Variants in TEX264 observed in about 807,000 individuals in gnomAD.
TEX264 encodes the protein testis expressed 264, ER-phagy receptor.
TEX264 carries 13 observed loss-of-function variants against 23.4 expected under a neutral mutation model. That is an observed-to-expected ratio of 0.56 (90% confidence interval 0.36 to 0.88). The LOEUF (loss-of-function observed/expected upper bound fraction) is 0.88. TEX264 is among the 40% of genes least tolerant of loss of function. The probability of loss-of-function intolerance (pLI) is 0.01; values close to 1 mark genes in which losing one functional copy is unlikely to be tolerated. For missense variants in TEX264, 340 were observed against 406.8 expected, an observed-to-expected ratio of 0.84 and a Z score of 1.41; for synonymous variants, 159 against 170.0, an observed-to-expected ratio of 0.94 and a Z score of 0.50.
chr3:51,672,952 AT>A (rs1256265191), intron 1 of TEX264, among the ~76,000 whole-genome samples: 3 of 152,232 alleles, frequency 2.0e-5, no homozygotes, highest in African/African-American at 7.2e-5. Context: ...AGAGATACTG[AT>A]GGGTAGAAGC....
At chr3:51,679,081 G>C (rs1037496305) in intron 2 of TEX264, among the ~76,000 whole-genome samples, 2 of 152,200 alleles carry the variant, frequency 1.3e-5, no homozygotes, top group African/African-American at 4.8e-5. Context: ...GAGGTGAGGT[G>C]AGACGAGGTG....
intron 3 of TEX264, among the ~76,000 whole-genome samples, chr3:51,697,413 C>G (rs561752681): frequency 6.6e-6 from 1 of 152,328 alleles, no homozygotes; most frequent in Admixed American, 6.5e-5. Context: ...CCTGGAATCT[C>G]TGGGTGGACA....
At chr3:51,679,342 G>A (rs1436964244) in intron 2 of TEX264, among the ~76,000 whole-genome samples, 1 of 152,226 alleles carries the variant, frequency 6.6e-6, no homozygotes, top group African/African-American at 2.4e-5. Flanking sequence ...AGGACCTCAT[G>A]CCACTGGGAC....
intron 2 of TEX264, chr3:51,682,976 C>G (rs1423019318): frequency 1.3e-5 from 2 of 152,214 alleles, no homozygotes; most frequent in African/African-American, 4.8e-5. Context: ...TGAGAAACCC[C>G]CAGGGGATTT....
At chr3:51,702,448 G>C (rs1703344405) in intron 4 of TEX264, among the ~76,000 whole-genome samples, 1 of 152,206 alleles carries the variant, frequency 6.6e-6, no homozygotes, top group African/African-American at 2.4e-5. Context: ...TCTGGGGGCT[G>C]AGTGGGTGGT....
At chr3:51,702,020 C>T (rs577895846) in intron 4 of TEX264, among the ~76,000 whole-genome samples, 2 of 152,282 alleles carry the variant, frequency 1.3e-5, no homozygotes, top group East Asian at 3.9e-4. Flanking sequence ...AGGAGGCACC[C>T]CTAGGCTCCT....
chr3:51,674,133 C>T, intron 1 of TEX264, 138 bp from the exon 2 acceptor site: 2 of 784,270 alleles, frequency 2.6e-6, no homozygotes, highest in Non-Finnish European at 4.0e-6. Flanking sequence ...TGTGTGTAAA[C>T]ACCTCTGGCC....
intron 2 of TEX264, 173 bp from the exon 3 acceptor site, chr3:51,684,240 C>T: frequency 1.6e-6 from 1 of 614,964 alleles, no homozygotes; most frequent in South Asian, 2.0e-5. Flanking sequence ...CAGGCAGGGG[C>T]CATAGGTGGG....
At chr3:51,694,136 CTTCCTTCT>C (rs1281271992) in intron 3 of TEX264, among the ~76,000 whole-genome samples, 32 of 128,738 alleles carry the variant, frequency 2.5e-4, no homozygotes, top group African/African-American at 8.7e-4. Flanking sequence ...TCCTTCCTTC[CTTCCTTCT>C]TTCCTTCTTT....
At chr3:51,675,614 A>G (rs1228339008) in intron 2 of TEX264, among the ~76,000 whole-genome samples, 1 of 152,156 alleles carries the variant, frequency 6.6e-6, no homozygotes, top group South Asian at 2.1e-4. Context: ...TGATTCTCCA[A>G]CAAGACACTG....
intron 3 of TEX264, among the ~76,000 whole-genome samples, chr3:51,689,607 G>C (rs1434774389): frequency 6.6e-6 from 1 of 152,122 alleles, no homozygotes; most frequent in African/African-American, 2.4e-5. Flanking sequence ...GCTTCACCTG[G>C]AGTAGTTCTG....
Position 51,686,221 on chromosome 3 carries a change from C to T in TEX264, c.480+1587C>T, listed in dbSNP as rs1437734925. On this transcript the variant is annotated intron_variant, in intron 3 of 4. Transcript: ENST00000341333. This position sits in a 1 kb window ranked among gnomAD's most constrained non-coding sequence, Gnocchi z 4.1. ...TGGGAGGCTGCCCTGTGCCTCCCTG[C>T]CTCTGTGGGACCAGGTAGGCAGTGG... Among the ~76,000 whole-genome samples the T allele has an allele frequency of 4.6e-5, 7 of 152,192 alleles. No homozygotes were observed. The highest frequency in any genetic ancestry group is 8.8e-5 in the Non-Finnish European group (6 of 68,020).
At chr3:51,681,755 G>A (rs1702436580) in intron 2 of TEX264, 1 of 152,254 alleles carries the variant, frequency 6.6e-6, no homozygotes, top group South Asian at 2.1e-4. Flanking sequence ...CTCAGTTGGT[G>A]CCTGCCCACC....
At chr3:51,699,044 C>T (rs996252806) in intron 3 of TEX264, among the ~76,000 whole-genome samples, 2 of 152,048 alleles carry the variant, frequency 1.3e-5, no homozygotes, top group African/African-American at 4.8e-5. Context: ...GGGTCCCTAT[C>T]CTGGGGTGGT....
rs532020995 is a variant in TEX264 at position 51,693,637 on chromosome 3, G to A, written c.481-5769G>A. 3.3e-5 allele frequency among the ~76,000 whole-genome samples: 5 copies of A among 151,928 alleles called. No homozygotes were observed. The East Asian group carries it at 9.7e-4, about 30-fold the overall frequency. On this transcript the variant is annotated intron_variant, in intron 3 of 4. Coordinates refer to ENST00000341333, the MANE Select transcript of TEX264 (RefSeq NM_015926.6). The stretch of plus-strand genomic sequence containing the variant: ...TGGGACTACAAGCATCCGACACCAC[G>A]CCCAGCTAATTTTTGTATTTTTAGT...
intron 3 of TEX264, 67 bp downstream of exon 3, chr3:51,684,701 C>A: frequency 6.6e-7 from 1 of 1,521,800 alleles, no homozygotes; most frequent in Non-Finnish European, 9.1e-7. Context: ...CTGAGGAGGA[C>A]TGCCTAGAAT....
At position 51,686,777 on chromosome 3, in the gene TEX264, A is replaced by G. The variant is rs574153742; in HGVS notation, c.480+2143A>G. Among the ~76,000 whole-genome samples, 1 of 152,150 alleles carries G rather than the reference A, an allele frequency of 6.6e-6. No individual in the cohort carries two copies. The highest frequency in any genetic ancestry group is 2.4e-5 in the African/African-American group (1 of 41,504). Reference sequence around the variant, plus strand: ...GAGTCCCGCCCCATTTCATTCAAGGAAGGCCTCTCCAGTCCTGTCGGTGCC... The same window carrying G: ...GAGTCCCGCCCCATTTCATTCAAGGGAGGCCTCTCCAGTCCTGTCGGTGCC... On this transcript the variant is annotated intron_variant, in intron 3 of 4. Transcript: ENST00000341333. The surrounding 1 kb of genome is among the most constrained non-coding windows in gnomAD (Gnocchi z 4.1).
In TEX264 at chr3:51,691,999, C is replaced by T. The variant is rs540181264; in HGVS notation, c.480+7365C>T. ...CCTTTGTTGGCCTAGGCACTGGAACCTGCTCCTTAGCCTCTCTGGCTTTAC... is the reference window on the plus strand; with the variant it reads ...CCTTTGTTGGCCTAGGCACTGGAACTTGCTCCTTAGCCTCTCTGGCTTTAC... On this transcript the variant is annotated intron_variant, in intron 3 of 4. Transcript: ENST00000341333. This position sits in a 1 kb window ranked among gnomAD's most constrained non-coding sequence, Gnocchi z 4.4. Among the ~76,000 whole-genome samples, 3 of 152,236 alleles carry T rather than the reference C, an allele frequency of 2.0e-5. No individual in the cohort carries two copies. The highest frequency in any genetic ancestry group is 7.2e-5 in the African/African-American group (3 of 41,470).
At chr3:51,690,595 G>C (rs1702793151) in intron 3 of TEX264, among the ~76,000 whole-genome samples, 1 of 149,622 alleles carries the variant, frequency 6.7e-6, no homozygotes, top group Admixed American at 6.7e-5. Flanking sequence ...GGGAGCCCCA[G>C]CAGGAATGTG....
Sources: gnomAD v4.1 joint callset for allele counts (sites outside exome capture counted in the v4.1 genomes callset) on GRCh38, gnomAD v4.1.1 for gene constraint, Gnocchi (gnomAD v3.1) non-coding constraint, MANE v1.5 for transcripts, NCBI Gene and HGNC (gene_info 2026-07-23, HGNC 2026-07-21) for gene names.